The following ADGRB3 variants were observed in gnomAD, a reference collection of about 807,000 sequenced individuals.
The protein encoded by ADGRB3 is adhesion G protein-coupled receptor B3, also known as brain-specific angiogenesis inhibitor 3.
Under a neutral mutation model 193.4 loss-of-function variants are expected in ADGRB3, and 37 were observed. That is an observed-to-expected ratio of 0.19 (90% confidence interval 0.15 to 0.25). The LOEUF is 0.25. Among genes scored for constraint, ADGRB3 ranks in the 10% least tolerant of loss-of-function variants. ADGRB3 has a pLI of 1.00. For missense variants in ADGRB3, 1,637 were observed against 1,852.9 expected, an observed-to-expected ratio of 0.88 and a Z score of 2.14; for synonymous variants, 690 against 644.2, an observed-to-expected ratio of 1.07 and a Z score of -1.08.
intron 3 of ADGRB3, among the ~76,000 whole-genome samples, chr6:68,836,541 T>C (rs1208818203): frequency 6.6e-6 from 1 of 152,126 alleles, no homozygotes; most frequent in Non-Finnish European, 1.5e-5. Context: ...CACATTACAT[T>C]CAAATGTGGT....
At chr6:69,074,711 A>AT (rs1290248285) in intron 16 of ADGRB3, among the ~76,000 whole-genome samples, 2 of 151,534 alleles carry the variant, frequency 1.3e-5, no homozygotes, top group Admixed American at 1.3e-4. Context: ...CGTCCTGCTA[A>AT]TTTTTTTGTA....
At chr6:69,098,783 A>G (rs1772954920) in intron 17 of ADGRB3, among the ~76,000 whole-genome samples, 2 of 152,202 alleles carry the variant, frequency 1.3e-5, no homozygotes, top group South Asian at 4.1e-4. Context: ...ACACCAGGTC[A>G]TTAAAGAAAG....
intron 17 of ADGRB3, among the ~76,000 whole-genome samples, chr6:69,202,125 ATTG>A (rs892984178): frequency 1.5e-4 from 23 of 152,208 alleles, no homozygotes; most frequent in Admixed American, 5.9e-4. Context: ...TTGAAGATAT[ATTG>A]TTTTTGCTCA....
chr6:68,860,349 T>C (rs1182316804), intron 3 of ADGRB3, among the ~76,000 whole-genome samples: 1 of 152,218 alleles, frequency 6.6e-6, no homozygotes, highest in Non-Finnish European at 1.5e-5. Flanking sequence ...ATAATGAATA[T>C]TGTACCCAAT....
intron 3 of ADGRB3, among the ~76,000 whole-genome samples, chr6:68,876,986 C>G (rs1025594998): frequency 1.8e-4 from 28 of 151,944 alleles, no homozygotes; most frequent in African/African-American, 6.8e-4. Flanking sequence ...GTTTAATCAG[C>G]AAATAAATAC....
At chr6:69,035,839 A>G (rs772537508) in intron 13 of ADGRB3, among the ~76,000 whole-genome samples, 14 of 152,216 alleles carry the variant, frequency 9.2e-5, no homozygotes, top group Admixed American at 2.6e-4. Context: ...AAGTGAGGAC[A>G]TAGATATGTC....
intron 3 of ADGRB3, among the ~76,000 whole-genome samples, chr6:68,679,754 A>G (rs958055018): frequency 2.6e-5 from 4 of 152,154 alleles, no homozygotes; most frequent in Non-Finnish European, 5.9e-5. Context: ...GTAAACCAAA[A>G]TACACTTTAG....
At chr6:69,191,905 T>C (rs956358745) in intron 17 of ADGRB3, among the ~76,000 whole-genome samples, 1 of 152,164 alleles carries the variant, frequency 6.6e-6, no homozygotes, top group African/African-American at 2.4e-5. Flanking sequence ...AAACAACCGT[T>C]AAGTGACTGT....
At chr6:69,160,788 G>A (rs930757981) in intron 17 of ADGRB3, among the ~76,000 whole-genome samples, 4 of 152,112 alleles carry the variant, frequency 2.6e-5, no homozygotes, top group African/African-American at 9.7e-5. Context: ...ATAAATGAAT[G>A]TATATCTCTT....
intron 27 of ADGRB3, among the ~76,000 whole-genome samples, chr6:69,354,595 TA>T (rs751872716): frequency 6.6e-6 from 1 of 152,164 alleles, no homozygotes; most frequent in Non-Finnish European, 1.5e-5. Flanking sequence ...GAATTAGGGC[TA>T]ATGATTTATG....
intron 20 of ADGRB3, among the ~76,000 whole-genome samples, chr6:69,321,458 G>A (rs540715443): frequency 6.6e-6 from 1 of 151,850 alleles, no homozygotes; most frequent in South Asian, 2.1e-4. Flanking sequence ...GGAGACATTT[G>A]AATAAAGAAA....
intron 11 of ADGRB3, among the ~76,000 whole-genome samples, chr6:69,003,616 A>G (rs1038369115): frequency 3.3e-5 from 5 of 152,122 alleles, no homozygotes; most frequent in African/African-American, 4.8e-5. Context: ...AAGATTTCCT[A>G]TTGTTTCTCT....
At chr6:68,988,786 C>T (rs1006285544) in intron 10 of ADGRB3, among the ~76,000 whole-genome samples, 2 of 152,120 alleles carry the variant, frequency 1.3e-5, no homozygotes, top group Non-Finnish European at 2.9e-5. Flanking sequence ...CCAGCAATGA[C>T]CCAGCACTGT....
intron 20 of ADGRB3, among the ~76,000 whole-genome samples, chr6:69,253,181 A>G (rs1582580029): frequency 6.6e-6 from 1 of 152,026 alleles, no homozygotes; most frequent in Non-Finnish European, 1.5e-5. Flanking sequence ...TTACTACTAT[A>G]GCTTTGTGTT....
intron 20 of ADGRB3, among the ~76,000 whole-genome samples, chr6:69,289,562 G>C (rs1381782757): frequency 6.6e-6 from 1 of 152,084 alleles, no homozygotes; most frequent in Non-Finnish European, 1.5e-5. Context: ...CTAGTTACAT[G>C]GCCCTATTTT....
intron 3 of ADGRB3, among the ~76,000 whole-genome samples, chr6:68,821,649 TA>T (rs1232104457): frequency 6.6e-6 from 1 of 151,814 alleles, no homozygotes; most frequent in Non-Finnish European, 1.5e-5. Context: ...CTTTTTTTTT[TA>T]GTCTTTCTTG....
intron 26 of ADGRB3, among the ~76,000 whole-genome samples, chr6:69,348,519 C>T (rs1398749628): frequency 1.4e-5 from 2 of 148,042 alleles, no homozygotes; most frequent in Admixed American, 6.7e-5. Context: ...AAAAATTAGC[C>T]GGGCATGGTG....
chr6:69,196,190 T>C (rs1032901399), intron 17 of ADGRB3, among the ~76,000 whole-genome samples: 7 of 152,246 alleles, frequency 4.6e-5, no homozygotes, highest in Middle Eastern at 3.4e-3. Flanking sequence ...AATACATGGG[T>C]ACATAAAGTC....
chr6:69,241,489 G>A (rs921727795), intron 20 of ADGRB3, among the ~76,000 whole-genome samples: 7 of 151,840 alleles, frequency 4.6e-5, no homozygotes, highest in Non-Finnish European at 1.0e-4. Flanking sequence ...TGTCTACGAC[G>A]TTGTGTAGGT....
Sources: allele counts gnomAD v4.1 joint callset (sites outside exome capture counted in the v4.1 genomes callset), GRCh38; gene constraint gnomAD v4.1.1; transcripts MANE v1.5; gene names NCBI Gene and HGNC (gene_info 2026-07-23, HGNC 2026-07-21).